The following MARCHF6 variants were observed in gnomAD, a reference collection of about 807,000 sequenced individuals.
The protein encoded by MARCHF6 is membrane associated ring-CH-type finger 6.
Under a neutral mutation model 133.7 loss-of-function variants are expected in MARCHF6, and 31 were observed. That is an observed-to-expected ratio of 0.23 (90% CI 0.17 to 0.31). The LOEUF (loss-of-function observed/expected upper bound fraction) is 0.31, where lower values mean the gene tolerates loss of function less well. Among genes scored for constraint, MARCHF6 ranks in the 10% least tolerant of loss-of-function variants. The probability of loss-of-function intolerance (pLI) is 1.00; values close to 1 mark genes in which losing one functional copy is unlikely to be tolerated. For synonymous variants in MARCHF6, 395 were observed against 402.5 expected, an observed-to-expected ratio of 0.98 and a Z score of 0.22; for missense variants, 723 against 1,121.6, an observed-to-expected ratio of 0.64 and a Z score of 5.08.
rs1256426512 is a variant in MARCHF6 at position 10,411,480 on chromosome 5, G to T, written c.1839G>T (p.Gln613His). The T allele has an allele frequency of 2.5e-6, 4 of 1,614,228 alleles. No individual in the cohort carries two copies. The highest frequency in any genetic ancestry group is 3.4e-6 in the Non-Finnish European group (4 of 1,180,032). The change falls in exon 19 of 26, where the codon CAG (glutamine) becomes CAT (histidine). Residue 613 changes from glutamine to histidine, a missense_variant. By Grantham distance (24) the Gln-to-His change is conservative. Coordinates refer to ENST00000274140, the MANE Select transcript of MARCHF6 (RefSeq NM_005885.4). ...GLHAAHQAIL[Q>H]QGGPVGFQPY... ...ATGCAGCCCACCAAGCCATACTCCA[G>T]CAGGGAGGGCCTGTTGGCTTTCAGC...
intron 1 of MARCHF6, among the ~76,000 whole-genome samples, chr5:10,358,277 A>G (rs1450019208): frequency 6.6e-6 from 1 of 152,188 alleles, no homozygotes; most frequent in Non-Finnish European, 1.5e-5. Flanking sequence ...ATATGAGGTC[A>G]GAAAGATATG....
chr5:10,387,482 T>A (rs1737554258), intron 5 of MARCHF6, among the ~76,000 whole-genome samples: 1 of 151,806 alleles, frequency 6.6e-6, no homozygotes, highest in South Asian at 2.1e-4. Context: ...TTTGTATTTT[T>A]AGTAGAGACA....
chr5:10,386,658 C>G (rs1737499881), intron 4 of MARCHF6, among the ~76,000 whole-genome samples: 3 of 152,042 alleles, frequency 2.0e-5, no homozygotes, highest in African/African-American at 4.8e-5. Context: ...TTTTGGAATT[C>G]TAGAATTTAA....
At chr5:10,357,966 CT>C (rs34017407) in intron 1 of MARCHF6, among the ~76,000 whole-genome samples, 77,739 of 108,404 alleles carry the variant, frequency 0.72, 28,414 homozygotes, top group Non-Finnish European at 0.83. Context: ...GCATGGGTTG[CT>C]TTTTTTTTTT....
intron 1 of MARCHF6, among the ~76,000 whole-genome samples, chr5:10,359,030 G>C (rs1735652977): frequency 6.6e-6 from 1 of 152,176 alleles, no homozygotes; most frequent in Non-Finnish European, 1.5e-5. Context: ...CTGTTGTTGT[G>C]AGCTCAAGTG....
At chr5:10,379,770 T>TA (rs1167498490) in intron 3 of MARCHF6, among the ~76,000 whole-genome samples, 3 of 152,030 alleles carry the variant, frequency 2.0e-5, no homozygotes, top group South Asian at 2.1e-4. Context: ...AAGCTTTTTT[T>TA]AAAAAAATAA....
At chr5:10,408,988 T>C (rs938708302) in intron 17 of MARCHF6, among the ~76,000 whole-genome samples, 1 of 152,166 alleles carries the variant, frequency 6.6e-6, no homozygotes, top group Admixed American at 6.5e-5. Context: ...TTTTTTAATT[T>C]AAAAAAATAT....
In MARCHF6 at chr5:10,405,538, T is replaced by G; in HGVS notation, c.1333-20T>G. ...TGAAGACATTGGTGAATATTCATAGTATTTAAAATATATTTGCAGGTACTT... is the reference window on the plus strand; with the variant it reads ...TGAAGACATTGGTGAATATTCATAGGATTTAAAATATATTTGCAGGTACTT... On this transcript the variant is annotated intron_variant, in intron 15 of 25. Transcript: ENST00000274140. 6.3e-7 allele frequency: 1 copy of G among 1,576,616 alleles called. No individual in the cohort carries two copies. Among genetic ancestry groups the G allele is most frequent in the Non-Finnish European group, 8.6e-7 (1 of 1,166,062 alleles).
chr5:10,370,646 CT>C (rs1239740894), intron 1 of MARCHF6, among the ~76,000 whole-genome samples: 1 of 150,880 alleles, frequency 6.6e-6, no homozygotes, highest in Non-Finnish European at 1.5e-5. Flanking sequence ...CATTTTCTTT[CT>C]TTTTTTTAAC....
chr5:10,410,190 C>G lies in MARCHF6; in HGVS notation c.1605C>G (p.Val535=). The G allele has an allele frequency of 6.2e-7, 1 of 1,614,044 alleles. No homozygotes were observed. Among genetic ancestry groups the G allele is most frequent in the Non-Finnish European group, 8.5e-7 (1 of 1,180,034 alleles). The change falls in exon 18 of 26, where the codon GTC becomes GTG. Residue 535 remains valine (V), a synonymous_variant. Transcript: ENST00000274140. ...TCGAGCTGCTTCTGCTTCAGGTTGT[C>G]TTGCCAGCATTACTCGAACAGGGAC... is the stretch of plus-strand genomic sequence containing the variant. ...LSLELLLLQV[V]LPALLEQGHT... is the part of the protein sequence containing the mutation.
chr5:10,400,453 TTTCC>T (rs1273759412), intron 10 of MARCHF6, among the ~76,000 whole-genome samples: 5 of 152,196 alleles, frequency 3.3e-5, no homozygotes, highest in African/African-American at 9.6e-5. Flanking sequence ...ATTTTGGACT[TTTCC>T]TTTTTTGAGC....
At chr5:10,374,141 A>C (rs113263717) in intron 1 of MARCHF6, among the ~76,000 whole-genome samples, 3 of 152,194 alleles carry the variant, frequency 2.0e-5, no homozygotes, top group African/African-American at 7.2e-5. Flanking sequence ...CAGCAGGCGC[A>C]CAAATTACCC....
In MARCHF6 at chr5:10,403,624, G is replaced by A. The variant is rs1738686474; in HGVS notation, c.1332+83G>A. The A allele has an allele frequency of 4.0e-6, 5 of 1,259,368 alleles. No individual in the cohort carries two copies. In the South Asian group the frequency reaches 6.6e-5, roughly 17 times the overall value. The allele number at this position is 1,259,368 out of a possible 1,614,324, so 78.0% of individuals were successfully genotyped here. A position where few individuals can be genotyped will look rare whatever the true frequency, so the allele number is the denominator to read the frequency against. On this transcript the variant is annotated intron_variant, in intron 15 of 25. Transcript: ENST00000274140. The stretch of plus-strand genomic sequence containing the variant: ...CCACCAGTCATGTCTCAAAGGCTAT[G>A]ATGATTTCCTACCTAAATCATATTC...
chr5:10,382,075 A>G (rs1235392856), intron 4 of MARCHF6, 132 bp downstream of exon 4: 3 of 976,202 alleles, frequency 3.1e-6, no homozygotes, highest in East Asian at 5.3e-5. Flanking sequence ...TGTATTAGGA[A>G]AGCCTTACTT....
intron 11 of MARCHF6, 52 bp from the exon 12 acceptor site, chr5:10,402,007 G>T (rs1185230613): frequency 6.8e-6 from 7 of 1,027,280 alleles, no homozygotes; most frequent in East Asian, 2.4e-5. Context: ...GAAAACCGGG[G>T]TGTAGAACAT....
At chr5:10,389,173 TTTGAG>T (rs1224723906) in intron 5 of MARCHF6, among the ~76,000 whole-genome samples, 1 of 152,184 alleles carries the variant, frequency 6.6e-6, no homozygotes, top group African/African-American at 2.4e-5. Flanking sequence ...TCCAGAGGCT[TTTGAG>T]TTATCTGTGA....
intron 22 of MARCHF6, among the ~76,000 whole-genome samples, chr5:10,423,463 T>C (rs1378016089): frequency 6.6e-6 from 1 of 152,206 alleles, no homozygotes; most frequent in Non-Finnish European, 1.5e-5. Flanking sequence ...TTTTGAGATA[T>C]CCATTAATGA....
At chr5:10,421,575 A>G (rs1739824278) in intron 22 of MARCHF6, among the ~76,000 whole-genome samples, 1 of 152,222 alleles carries the variant, frequency 6.6e-6, no homozygotes, top group African/African-American at 2.4e-5. Context: ...ATTCTAGCAG[A>G]GCAGCTAGTG....
chr5:10,423,205 T>TCTGA (rs143508946), intron 22 of MARCHF6, among the ~76,000 whole-genome samples: 33,232 of 151,556 alleles, frequency 0.22, 5,329 homozygotes, highest in East Asian at 0.67. Flanking sequence ...TAGTCATCAC[T>TCTGA]CTGTCTGGTG....
Sources: allele counts gnomAD v4.1 joint callset (sites outside exome capture counted in the v4.1 genomes callset), GRCh38; gene constraint gnomAD v4.1.1; transcripts MANE v1.5; gene names NCBI Gene and HGNC (gene_info 2026-07-23, HGNC 2026-07-21).